The following AAAS variants were observed in gnomAD, a reference collection of about 807,000 sequenced individuals.
The protein encoded by AAAS is aladin.
In AAAS, 60 loss-of-function variants were observed where a neutral mutation model predicts 75.6. That is an observed-to-expected ratio of 0.79 (90% CI 0.64 to 0.98). The LOEUF (loss-of-function observed/expected upper bound fraction) is 0.98. Ranked by LOEUF, AAAS falls within the 50% of genes least tolerant of loss-of-function variation. The pLI, the probability that AAAS is intolerant of heterozygous loss-of-function variation, is 0.00. For missense variants in AAAS, 658 were observed against 686.9 expected (o/e 0.96, Z 0.47); for synonymous variants, 271 against 265.0 (o/e 1.02, Z -0.22).
Position 53,315,896 on chromosome 12 carries a change from G to C in AAAS, c.252-114C>G, listed in dbSNP as rs558429379. 6 of 1,170,868 alleles carry C rather than the reference G, an allele frequency of 5.1e-6. No individual in the cohort carries two copies. The East Asian group carries it at 1.3e-4, about 25-fold the overall frequency. 72.5% of individuals were successfully genotyped at this position (1,170,868 alleles called of 1,614,324 possible). On this transcript the variant is annotated intron_variant, in intron 2 of 15. Transcript: ENST00000209873. ...AAATATGGGCACTCACATTTAATGA[G>C]TGCCAACTATGTACCAGGCACTCTA...
intron 7 of AAAS, among the ~76,000 whole-genome samples, chr12:53,312,672 T>A (rs1450884400): frequency 6.6e-6 from 1 of 151,938 alleles, no homozygotes; most frequent in East Asian, 1.9e-4. Context: ...CGTATCTATA[T>A]CTTTCCACTT....
At chr12:53,313,906 G>A (rs1012839669) in intron 7 of AAAS, among the ~76,000 whole-genome samples, 1 of 152,132 alleles carries the variant, frequency 6.6e-6, no homozygotes, top group African/African-American at 2.4e-5. Flanking sequence ...ACCGCACCCA[G>A]CTTAGTCATA....
rs772554303 is a variant in AAAS at position 53,307,653 on chromosome 12, G to A, written c.1477C>T (p.Arg493Cys). Residue 493 changes from arginine to cysteine, a missense_variant, in exon 16 of 16, where the codon CGT (arginine) becomes TGT (cysteine). Arg to Cys is a radical substitution (Grantham distance 180). Coordinates refer to ENST00000209873, the MANE Select transcript of AAAS (RefSeq NM_015665.6). ...GCCCGCCCAAGCACTGGGCTAAAAC[G>A]TGGAAACTGGGCATTGACAAAGTAC... Reference protein sequence around the residue: ...PLYFVNAQFPRFSPVLGRAQE... With the variant: ...PLYFVNAQFPCFSPVLGRAQE... 5.0e-5 allele frequency: 80 copies of A among 1,614,072 alleles called. No homozygotes were observed. The highest frequency in any genetic ancestry group is 3.6e-4 in the East Asian group (16 of 44,896).
intron 5 of AAAS, 110 bp from the exon 6 acceptor site, chr12:53,314,959 CT>C: frequency 1.3e-6 from 2 of 1,485,020 alleles, no homozygotes; most frequent in Non-Finnish European, 1.9e-6. Flanking sequence ...TTCTTGTATT[CT>C]TTTTTGGGGG....
In AAAS at chr12:53,314,459, G is replaced by A. The variant is rs770780563; in HGVS notation, c.546-18C>T. ...CTATGGTGCTAGGGTGAAGGGGCAG[G>A]AAACTGAGTCAAGGCAGGAACACTA... On this transcript the variant is annotated intron_variant, in intron 6 of 15. Coordinates refer to ENST00000209873, the MANE Select transcript of AAAS (RefSeq NM_015665.6). 6.2e-7 allele frequency: 1 copy of A among 1,613,804 alleles called. No individual in the cohort carries two copies. Among genetic ancestry groups the A allele is most frequent in the South Asian group, 1.1e-5 (1 of 91,064 alleles).
chr12:53,314,620 G>A, intron 6 of AAAS, 131 bp downstream of exon 6: 29 of 1,318,638 alleles, frequency 2.2e-5, no homozygotes, highest in Non-Finnish European at 3.1e-5. Context: ...CAGTTATGGA[G>A]CTTCCCTGAC....
rs1469781727 is a variant in AAAS at position 53,321,404 on chromosome 12, T to G, written c.62A>C (p.His21Pro). ...PPRGQVTLYE[H>P]NNELVTGSSY... is the part of the protein sequence containing the mutation. ...ACTGCCCGTCACCAGCTCGTTATTG[T>G]GCTCATATAGGGTGACTTGACCCCG... is the stretch of plus-strand genomic sequence containing the variant. Residue 21 changes from histidine (H) to proline (P), a missense_variant, in exon 1 of 16, where the codon CAC becomes CCC. His to Pro is a moderately conservative substitution (Grantham distance 77). Coordinates refer to ENST00000209873, the MANE Select transcript of AAAS (RefSeq NM_015665.6). The G allele has an allele frequency of 6.2e-7, 1 of 1,614,224 alleles. No homozygotes were observed. Among genetic ancestry groups the G allele is most frequent in the Non-Finnish European group, 8.5e-7 (1 of 1,180,050 alleles).
chr12:53,321,301 G>A, intron 1 of AAAS, 42 bp downstream of exon 1: 1 of 1,599,830 alleles, frequency 6.3e-7, no homozygotes. Context: ...CCCCGACTCC[G>A]CCCCCATGCC....
chr12:53,313,274 G>T (rs1382087531), intron 7 of AAAS, among the ~76,000 whole-genome samples: 1 of 137,392 alleles, frequency 7.3e-6, no homozygotes, highest in Admixed American at 7.7e-5. Flanking sequence ...AGTGATTCTT[G>T]TGTCTCAGCC....
At chr12:53,318,243 T>TGTGTGTGC (rs752221609) in intron 2 of AAAS, among the ~76,000 whole-genome samples, 36 of 119,070 alleles carry the variant, frequency 3.0e-4, no homozygotes, top group South Asian at 8.7e-4. Flanking sequence ...TGTGTGTGTG[T>TGTGTGTGC]GCGTGTGTGT....
At chr12:53,318,401 C>T (rs747664813) in intron 2 of AAAS, among the ~76,000 whole-genome samples, 48 of 152,010 alleles carry the variant, frequency 3.2e-4, no homozygotes, top group Non-Finnish European at 5.1e-4. Flanking sequence ...GGATTACACA[C>T]GGAGTTTCAC....
chr12:53,314,684 G>C, intron 6 of AAAS, 67 bp downstream of exon 6: 1 of 1,530,734 alleles, frequency 6.5e-7, no homozygotes, highest in Non-Finnish European at 9.0e-7. Context: ...AGGACTCCCC[G>C]GAACCAAGGC....
At chr12:53,309,396 T>G in intron 8 of AAAS, 115 bp from the exon 9 acceptor site, 1 of 1,547,334 alleles carries the variant, frequency 6.5e-7, no homozygotes, top group Non-Finnish European at 8.8e-7. Context: ...AGAGGGACTG[T>G]GAAACATGAG....
intron 4 of AAAS, 84 bp downstream of exon 4, chr12:53,315,251 C>A: frequency 6.3e-7 from 1 of 1,597,328 alleles, no homozygotes; most frequent in Non-Finnish European, 8.6e-7. Context: ...TCACACCCAA[C>A]CCTGACCTGC....
At chr12:53,314,046 T>C (rs1273664431) in intron 7 of AAAS, among the ~76,000 whole-genome samples, 3 of 152,142 alleles carry the variant, frequency 2.0e-5, no homozygotes, top group South Asian at 2.1e-4. Flanking sequence ...AGGAAGTGTA[T>C]AGTCCTCTGA....
At position 53,321,329 on chromosome 12, in the gene AAAS, C is replaced by T. The variant is rs1209886440; in HGVS notation, c.123+14G>A. The T allele has an allele frequency of 1.9e-6, 3 of 1,612,842 alleles. No individual in the cohort carries two copies. Among genetic ancestry groups the T allele is most frequent in the South Asian group, 2.2e-5 (2 of 90,870 alleles). On this transcript the variant is annotated intron_variant, in intron 1 of 15. Transcript: ENST00000209873. Reference sequence around the variant, plus strand: ...CCCATGCCTGTAGGTCCCCTCCCTCCTCGCCCTGGCCACCTGGCCCCGGAA... The same window carrying T: ...CCCATGCCTGTAGGTCCCCTCCCTCTTCGCCCTGGCCACCTGGCCCCGGAA...
At chr12:53,314,183 G>T in intron 7 of AAAS, 115 bp downstream of exon 7, 3 of 1,446,574 alleles carry the variant, frequency 2.1e-6, no homozygotes, top group Non-Finnish European at 2.9e-6. Context: ...TTTTCCCATA[G>T]CCCTGGGAAG....
In AAAS at chr12:53,309,266, T is replaced by C. The variant is rs747008621; in HGVS notation, c.826A>G (p.Thr276Ala). 31 of 1,613,870 alleles carry C rather than the reference T, an allele frequency of 1.9e-5. No homozygotes were observed. The highest frequency in any genetic ancestry group is 4.5e-5 in the East Asian group (2 of 44,888). Residue 276 changes from threonine to alanine, a missense_variant, in exon 9 of 16, where the codon ACA (threonine) becomes GCA (alanine). Coordinates refer to ENST00000209873, the MANE Select transcript of AAAS (RefSeq NM_015665.6). ...DAAIRVWDVS[T>A]ETCVPLPWFR... ...CAGGGAAGGGGGACACAGGTCTCTGTTGAGACATCCCATACCTAGGAGAGT... is the reference window on the plus strand; with the variant it reads ...CAGGGAAGGGGGACACAGGTCTCTGCTGAGACATCCCATACCTAGGAGAGT...
At chr12:53,319,802 CAAAAAAA>C (rs11339214) in intron 2 of AAAS, among the ~76,000 whole-genome samples, 2 of 19,614 alleles carry the variant, frequency 1.0e-4, no homozygotes, top group African/African-American at 1.7e-4. Flanking sequence ...GACTCCGTCT[CAAAAAAA>C]AAAAAAAAAA....
Sources: gnomAD v4.1 joint callset for allele counts (sites outside exome capture counted in the v4.1 genomes callset) on GRCh38, gnomAD v4.1.1 for gene constraint, MANE v1.5 for transcripts, NCBI Gene and HGNC (gene_info 2026-07-23, HGNC 2026-07-21) for gene names.